IQCM: variants seen among roughly 807,000 people sequenced by gnomAD.
IQCM encodes the protein IQ motif containing M.
A neutral mutation model predicts 57.6 loss-of-function variants in IQCM; 45 were observed. That is an observed-to-expected ratio of 0.78 (90% CI 0.62 to 1.00). The LOEUF is 1.00. Among genes scored for constraint, IQCM ranks in the 50% least tolerant of loss-of-function variants. The probability of loss-of-function intolerance (pLI) is 0.00; values close to 1 mark genes in which losing one functional copy is unlikely to be tolerated. For missense variants in IQCM, 468 were observed against 511.6 expected (o/e 0.91, Z 0.82); for synonymous variants, 148 against 158.9 (o/e 0.93, Z 0.51).
At chr4:149,810,893 AATG>A (rs996737973) in intron 2 of IQCM, among the ~76,000 whole-genome samples, 34 of 152,170 alleles carry the variant, frequency 2.2e-4, no homozygotes, top group African/African-American at 7.2e-4. Context: ...AGTTTGTATG[AATG>A]ATATTTCATT....
intron 12 of IQCM, among the ~76,000 whole-genome samples, chr4:149,438,263 T>C (rs561662625): frequency 1.3e-5 from 2 of 152,160 alleles, no homozygotes; most frequent in East Asian, 1.9e-4. Flanking sequence ...CTAAAAACAA[T>C]GGCAACAGGT....
intron 2 of IQCM, among the ~76,000 whole-genome samples, chr4:149,747,855 G>A (rs990474785): frequency 1.3e-5 from 2 of 152,124 alleles, no homozygotes; most frequent in Non-Finnish European, 2.9e-5. Flanking sequence ...CCCAGAACCA[G>A]GAAGTGGGAA....
intron 7 of IQCM, among the ~76,000 whole-genome samples, chr4:149,662,030 C>T (rs1471257302): frequency 6.6e-6 from 1 of 151,780 alleles, no homozygotes; most frequent in Admixed American, 6.6e-5. Flanking sequence ...AGTGCATTAT[C>T]ATGTTGTTTA....
At chr4:149,748,002 T>C (rs966109187) in intron 2 of IQCM, among the ~76,000 whole-genome samples, 1 of 152,152 alleles carries the variant, frequency 6.6e-6, no homozygotes, top group Non-Finnish European at 1.5e-5. Context: ...GCAAACCAAT[T>C]AACCTCTCTG....
intron 13 of IQCM, among the ~76,000 whole-genome samples, chr4:149,417,935 ATAGTCTTGAGCC>A (rs1733863703): frequency 6.6e-6 from 1 of 151,444 alleles, no homozygotes; most frequent in Non-Finnish European, 1.5e-5. Context: ...TATCACCTAT[ATAGTCTTGAGCC>A]TAGCAAATGC....
rs954103686 is a variant in IQCM at position 149,621,228 on chromosome 4, G to A, written c.582C>T (p.Asp194=). The change falls in exon 8 of 14, where the codon GAC becomes GAT. Residue 194 remains aspartate, a synonymous_variant. Transcript: ENST00000636793. ...ACCTTGTCAGCACAAATCCTCTCCA[G>A]TCATAGAATGCTTTGTCTGTTAGAA... ...LLKEPDKAFY[D]WRGFVLTRSF... The A allele has an allele frequency of 4.9e-6, 6 of 1,230,194 alleles. No individual in the cohort carries two copies. Among genetic ancestry groups the A allele is most frequent in the South Asian group, 4.1e-5 (1 of 24,298 alleles). 76.2% of individuals were successfully genotyped at this position (1,230,194 alleles called of 1,614,324 possible). A position where few individuals can be genotyped will look rare whatever the true frequency, so the allele number is the denominator to read the frequency against.
intron 12 of IQCM, among the ~76,000 whole-genome samples, chr4:149,465,671 A>G (rs964322519): frequency 1.3e-5 from 2 of 152,154 alleles, no homozygotes; most frequent in Non-Finnish European, 2.9e-5. Context: ...CCCTCTCCCA[A>G]GTCAAATGAA....
At chr4:149,522,975 C>G (rs998110192) in intron 12 of IQCM, among the ~76,000 whole-genome samples, 1 of 152,082 alleles carries the variant, frequency 6.6e-6, no homozygotes, top group African/African-American at 2.4e-5. Flanking sequence ...AACAAAAATA[C>G]CACAGACTGA....
chr4:149,392,738 T>G (rs1201766772), intron 13 of IQCM, among the ~76,000 whole-genome samples: 3 of 151,820 alleles, frequency 2.0e-5, no homozygotes, highest in Non-Finnish European at 2.9e-5. Flanking sequence ...AATCCAAAAT[T>G]TACACAATGC....
At chr4:149,732,399 G>A (rs1292252118) in intron 5 of IQCM, among the ~76,000 whole-genome samples, 2 of 152,114 alleles carry the variant, frequency 1.3e-5, no homozygotes, top group African/African-American at 4.8e-5. Context: ...ATTTTCAGGA[G>A]AAATCTCTTC....
At chr4:149,756,902 G>A (rs1769017639) in intron 2 of IQCM, among the ~76,000 whole-genome samples, 1 of 152,156 alleles carries the variant, frequency 6.6e-6, no homozygotes, top group Non-Finnish European at 1.5e-5. Flanking sequence ...GAAATATAAT[G>A]TATAACTCCC....
At chr4:149,565,552 T>G (rs1750542649) in intron 9 of IQCM, among the ~76,000 whole-genome samples, 1 of 152,188 alleles carries the variant, frequency 6.6e-6, no homozygotes, top group Non-Finnish European at 1.5e-5. Context: ...TGAACACTAG[T>G]TTGAATATCA....
chr4:149,612,595 T>A (rs1379532251), intron 8 of IQCM, among the ~76,000 whole-genome samples: 1 of 152,104 alleles, frequency 6.6e-6, no homozygotes, highest in African/African-American at 2.4e-5. Flanking sequence ...GTGCTCTAAA[T>A]TGTACAATAA....
At chr4:149,691,408 T>C in intron 5 of IQCM, among the ~76,000 whole-genome samples, 1 of 152,166 alleles carries the variant, frequency 6.6e-6, no homozygotes, top group Admixed American at 6.5e-5. Flanking sequence ...TGCTAACTCC[T>C]GGGAGGGGAG....
chr4:149,446,389 C>T (rs1286051646), intron 12 of IQCM, among the ~76,000 whole-genome samples: 4 of 151,708 alleles, frequency 2.6e-5, no homozygotes, highest in African/African-American at 9.7e-5. Context: ...TTCAAAAGAG[C>T]TTACTGGCTC....
rs1196065786 is a variant in IQCM at position 149,357,388 on chromosome 4, T to A, written c.1391-5322A>T. Among the ~76,000 whole-genome samples, 10 of 152,244 alleles carry A rather than the reference T, an allele frequency of 6.6e-5. No individual in the cohort carries two copies. The East Asian group carries it at 1.9e-3, about 29-fold the overall frequency. The stretch of plus-strand genomic sequence containing the variant: ...ATGATATTGGCTGTGGGTTTGTCAT[T>A]GATAGCTCTTATTATTTTGAGATAC... On this transcript the variant is annotated intron_variant, in intron 13 of 13. Coordinates refer to ENST00000636793, the MANE Select transcript of IQCM (RefSeq NM_001363507.2).
At chr4:149,487,882 T>C (rs965310767) in intron 12 of IQCM, among the ~76,000 whole-genome samples, 1 of 152,146 alleles carries the variant, frequency 6.6e-6, no homozygotes, top group African/African-American at 2.4e-5. Flanking sequence ...TTTTTAGTGA[T>C]ATGAAATTAA....
rs186446654 is a variant in IQCM, at chr4:149,814,424, C to T, written c.-49+887G>A. ...TCTCTTACCACCAGAATTATTTTCA[C>T]AGTCCATTCTGAAAGAACAACCCAG... On this transcript the variant is annotated intron_variant, in intron 2 of 13. Transcript: ENST00000636793. Among the ~76,000 whole-genome samples the T allele has an allele frequency of 1.3e-5, 2 of 152,038 alleles. 1 individual carries two copies. Among genetic ancestry groups the T allele is most frequent in the Admixed American group, 1.3e-4 (2 of 15,250 alleles).
chr4:149,487,413 G>T (rs543301632), intron 12 of IQCM, among the ~76,000 whole-genome samples: 8 of 152,292 alleles, frequency 5.3e-5, no homozygotes, highest in African/African-American at 1.4e-4. Context: ...GATGGTGTAA[G>T]CACTCCCTTG....
Sources: allele counts gnomAD v4.1 joint callset (sites outside exome capture counted in the v4.1 genomes callset), GRCh38; gene constraint gnomAD v4.1.1; transcripts MANE v1.5; gene names NCBI Gene and HGNC (gene_info 2026-07-23, HGNC 2026-07-21).